The following ENPP6 variants were observed in gnomAD, a reference collection of about 807,000 sequenced individuals.
The protein encoded by ENPP6 is ectonucleotide pyrophosphatase/phosphodiesterase 6.
ENPP6 carries 32 observed loss-of-function variants against 42.0 expected under a neutral mutation model. That is an observed-to-expected ratio of 0.76 (90% CI 0.58 to 1.02). ENPP6 has a LOEUF of 1.02. ENPP6 is among the 50% of genes least tolerant of loss of function. The probability of loss-of-function intolerance (pLI) is 0.00; values close to 1 mark genes in which losing one functional copy is unlikely to be tolerated. For missense variants in ENPP6, 552 were observed against 566.8 expected (o/e 0.97, Z 0.27); for synonymous variants, 213 against 216.0 (o/e 0.99, Z 0.12).
rs746742832 is a variant in ENPP6 at position 184,217,633 on chromosome 4, A to G, written c.187T>C (p.Leu63=). ...IVSRGVKVDY[L]TPDFPSLSYP... ...GAGAGACTAGGGAAGTCTGGAGTCA[A>G]GTAATCCACTTTTACTCCCCTGCTC... is the stretch of plus-strand genomic sequence containing the variant. Residue 63 remains leucine (L), a synonymous_variant, in exon 1 of 8, where the codon TTG becomes CTG. Transcript: ENST00000296741. The G allele has an allele frequency of 1.9e-6, 3 of 1,614,232 alleles. No homozygotes were observed. Among genetic ancestry groups the G allele is most frequent in the Non-Finnish European group, 2.5e-6 (3 of 1,180,048 alleles).
intron 2 of ENPP6, among the ~76,000 whole-genome samples, chr4:184,136,194 T>G (rs1195179843): frequency 2.0e-5 from 3 of 151,350 alleles, no homozygotes; most frequent in Non-Finnish European, 3.0e-5. Flanking sequence ...TATTAAAGTC[T>G]ATTAGTCTAT....
At chr4:184,174,061 C>T (rs1264928910) in intron 1 of ENPP6, among the ~76,000 whole-genome samples, 3 of 151,480 alleles carry the variant, frequency 2.0e-5, no homozygotes, top group Non-Finnish European at 2.9e-5. Context: ...GAAATGAGGC[C>T]GGAAGAGGCA....
chr4:184,208,875 G>A lies in ENPP6; in HGVS notation c.241+8704C>T, dbSNP rs535666031. 1.6e-3 allele frequency among the ~76,000 whole-genome samples: 227 copies of A among 142,950 alleles called. 4 individuals are homozygous for A. The highest frequency in any genetic ancestry group is 3.2e-3 in the East Asian group (16 of 4,960). The allele number at this position is 142,950 out of a possible 152,430, so 93.8% of individuals were successfully genotyped here. On this transcript the variant is annotated intron_variant, in intron 1 of 7. Transcript: ENST00000296741. ...AAGAGAGCAGTGGTTCTCCCAGCACGCAGCTGGAGATCTGAGAACGGGCAG... is the reference window on the plus strand; with the variant it reads ...AAGAGAGCAGTGGTTCTCCCAGCACACAGCTGGAGATCTGAGAACGGGCAG...
chr4:184,214,223 T>G (rs1017297157), intron 1 of ENPP6, among the ~76,000 whole-genome samples: 62 of 150,720 alleles, frequency 4.1e-4, no homozygotes, highest in Admixed American at 1.1e-3. Context: ...ACATGTACCC[T>G]AAAACTTAAA....
intron 2 of ENPP6, among the ~76,000 whole-genome samples, chr4:184,132,504 C>A (rs984434162): frequency 4.6e-5 from 7 of 151,972 alleles, no homozygotes; most frequent in African/African-American, 1.7e-4. Flanking sequence ...CTAGTAATGT[C>A]TTTTCATAAA....
rs1223191573 is a variant in ENPP6 at position 184,113,909 on chromosome 4, T to TTCTTTCTTTC, written c.856-1110_856-1101dup. ...TCCTTCCTTTCTTTCTTTTCTTTCT[T>TTCTTTCTTTC]TCTTTCTTTCTTTCTTTCTTTCTTT... On this transcript the variant is annotated intron_variant, in intron 5 of 7. Coordinates refer to ENST00000296741, the MANE Select transcript of ENPP6 (RefSeq NM_153343.4). Among the ~76,000 whole-genome samples, 339 of 122,568 alleles carry TTCTTTCTTTC rather than the reference T, an allele frequency of 2.8e-3. 14 individuals carry two copies. The highest frequency in any genetic ancestry group is 0.026 in the Admixed American group (308 of 12,020). The allele number at this position is 122,568 out of a possible 152,430, so 80.4% of individuals were successfully genotyped here.
At chr4:184,101,387 G>C (rs569275434) in intron 6 of ENPP6, among the ~76,000 whole-genome samples, 2 of 150,502 alleles carry the variant, frequency 1.3e-5, no homozygotes, top group Middle Eastern at 6.9e-3. Context: ...GAGAAATCAG[G>C]ATGAGGAGTC....
intron 6 of ENPP6, 83 bp from the exon 7 acceptor site, chr4:184,097,451 C>CG (rs989512722): frequency 6.4e-7 from 1 of 1,573,202 alleles, no homozygotes; most frequent in Non-Finnish European, 8.6e-7. Context: ...GCCACTCCAC[C>CG]GGGGGGCGCT....
At chr4:184,140,767 G>C (rs1736805028) in intron 2 of ENPP6, among the ~76,000 whole-genome samples, 1 of 124,844 alleles carries the variant, frequency 8.0e-6, no homozygotes, top group Non-Finnish European at 1.7e-5. Context: ...TTAAACGTTA[G>C]ACCTAAAACC....
chr4:184,092,554 TTTC>T (rs1291239801), intron 7 of ENPP6, among the ~76,000 whole-genome samples: 1 of 152,172 alleles, frequency 6.6e-6, no homozygotes, highest in African/African-American at 2.4e-5. Flanking sequence ...AATCAAGGGA[TTTC>T]TTCTTCTCTA....
At chr4:184,091,434 G>A (rs764327454) in intron 7 of ENPP6, 52 bp from the exon 8 acceptor site, 6 of 1,524,102 alleles carry the variant, frequency 3.9e-6, no homozygotes, top group Non-Finnish European at 2.7e-6. Flanking sequence ...CAGGGCAGAG[G>A]TGGGCTGAAC....
chr4:184,113,839 C>A (rs577865623), intron 5 of ENPP6, among the ~76,000 whole-genome samples: 30 of 152,096 alleles, frequency 2.0e-4, no homozygotes, highest in Non-Finnish European at 3.4e-4. Flanking sequence ...CCGAGTGTGG[C>A]CCTGTACATA....
At chr4:184,096,869 G>A (rs978367002) in intron 7 of ENPP6, among the ~76,000 whole-genome samples, 3 of 152,114 alleles carry the variant, frequency 2.0e-5, no homozygotes, top group Admixed American at 6.6e-5. Context: ...AGAAGCGATC[G>A]CATCAACAGT....
chr4:184,094,117 CA>C (rs1735856255), intron 7 of ENPP6, among the ~76,000 whole-genome samples: 1 of 151,946 alleles, frequency 6.6e-6, no homozygotes, highest in Non-Finnish European at 1.5e-5. Context: ...CTCAACTCTG[CA>C]AAAATAAAAA....
chr4:184,148,402 G>A (rs1340562101), intron 2 of ENPP6, among the ~76,000 whole-genome samples: 1 of 152,210 alleles, frequency 6.6e-6, no homozygotes, highest in Non-Finnish European at 1.5e-5. Flanking sequence ...ATCCTGCAAA[G>A]GGAGATTGGA....
At chr4:184,096,148 G>A (rs984678259) in intron 7 of ENPP6, among the ~76,000 whole-genome samples, 2 of 152,160 alleles carry the variant, frequency 1.3e-5, no homozygotes, top group Non-Finnish European at 2.9e-5. Context: ...AGGCACCCAC[G>A]GAGGTTGCAG....
chr4:184,206,364 T>G (rs1246832936), intron 1 of ENPP6, among the ~76,000 whole-genome samples: 3 of 112,280 alleles, frequency 2.7e-5, no homozygotes, highest in Non-Finnish European at 5.4e-5. Flanking sequence ...TTCCCGCCAT[T>G]CTCCTGCCTC....
At chr4:184,202,788 G>T (rs1373973826) in intron 1 of ENPP6, among the ~76,000 whole-genome samples, 1 of 152,204 alleles carries the variant, frequency 6.6e-6, no homozygotes, top group East Asian at 1.9e-4. Flanking sequence ...GACAGACGTG[G>T]TGTGGAATTG....
chr4:184,193,934 C>T (rs1013280256), intron 1 of ENPP6, among the ~76,000 whole-genome samples: 1 of 152,180 alleles, frequency 6.6e-6, no homozygotes. Context: ...TGACTTTCTT[C>T]TATTAGAAGC....
Sources: allele counts gnomAD v4.1 joint callset (sites outside exome capture counted in the v4.1 genomes callset), GRCh38; gene constraint gnomAD v4.1.1; transcripts MANE v1.5; gene names NCBI Gene and HGNC (gene_info 2026-07-23, HGNC 2026-07-21).